The following TET2 variants were observed in gnomAD, a reference collection of about 807,000 sequenced individuals.
The protein encoded by TET2 is methylcytosine dioxygenase TET2.
Under a neutral mutation model 142.9 loss-of-function variants are expected in TET2, and 299 were observed. That is an observed-to-expected ratio of 2.09 (90% confidence interval 1.90 to 2.30). The LOEUF (loss-of-function observed/expected upper bound fraction) is 2.30. Among genes scored for constraint, TET2 ranks in the 30% most tolerant of loss-of-function variants. TET2 has a pLI of 0.00. For missense variants in TET2, 2,418 were observed against 2,378.0 expected (o/e 1.02, Z -0.35); for synonymous variants, 819 against 849.0 (o/e 0.96, Z 0.61).
At chr4:105,200,437 T>A (rs1487518927) in intron 2 of TET2, among the ~76,000 whole-genome samples, 2 of 149,988 alleles carry the variant, frequency 1.3e-5, no homozygotes, top group Non-Finnish European at 2.9e-5. Flanking sequence ...TCCTTATAGA[T>A]GCTGGATACT....
At chr4:105,186,400 A>ATTT (rs140425479) in intron 1 of TET2, among the ~76,000 whole-genome samples, 1 of 149,278 alleles carries the variant, frequency 6.7e-6, no homozygotes, top group African/African-American at 2.5e-5. Flanking sequence ...CTTCTAAGTG[A>ATTT]TTTTTTTATA....
chr4:105,163,563 C>T (rs1012959717), intron 1 of TET2, among the ~76,000 whole-genome samples: 2 of 152,136 alleles, frequency 1.3e-5, no homozygotes, highest in African/African-American at 4.8e-5. Flanking sequence ...ATGCTAAGCA[C>T]TTTCCAAAGA....
At chr4:105,212,179 T>C (rs1002870581) in intron 2 of TET2, among the ~76,000 whole-genome samples, 6 of 152,228 alleles carry the variant, frequency 3.9e-5, no homozygotes, top group African/African-American at 1.2e-4. Context: ...GTTCAAGCCA[T>C]GCAGTTTTTA....
intron 2 of TET2, among the ~76,000 whole-genome samples, chr4:105,227,045 G>A (rs1728233886): frequency 6.6e-6 from 1 of 152,144 alleles, no homozygotes; most frequent in African/African-American, 2.4e-5. Context: ...AGCTCTAACA[G>A]TGCTTAGAAC....
At position 105,235,783 on chromosome 4, in the gene TET2, G is replaced by A. The variant is rs2110230104; in HGVS notation, c.1841G>A (p.Gly614Glu). ...QYTGNSNMPG[G>E]LPRQAYTQKT... is the part of the protein sequence containing the mutation. ...ACTGGAAATTCCAACATGCCTGGGGGGCTCCCAAGGCAAGCTTACACCCAG... is the reference window on the plus strand; with the variant it reads ...ACTGGAAATTCCAACATGCCTGGGGAGCTCCCAAGGCAAGCTTACACCCAG... The change falls in exon 3 of 11, where the codon GGG becomes GAG. Residue 614 changes from glycine to glutamate, a missense_variant. Gly to Glu is a moderately conservative substitution (Grantham distance 98, BLOSUM62 -2). Coordinates refer to ENST00000380013, the MANE Select transcript of TET2 (RefSeq NM_001127208.3). 1.2e-6 allele frequency: 2 copies of A among 1,614,010 alleles called. No homozygotes were observed. The highest frequency in any genetic ancestry group is 2.2e-5 in the East Asian group (1 of 44,858).
Position 105,237,253 on chromosome 4 carries a change from T to A in TET2, c.3311T>A (p.Phe1104Tyr), listed in dbSNP as rs1729006158. ...KRTAASVLNN[F>Y]IESPSKLLDT... Reference sequence around the variant, plus strand: ...ACAGCTGCTTCTGTTCTCAATAATTTTATAGAGTCACCTTCCAAATTACTA... The same window carrying A: ...ACAGCTGCTTCTGTTCTCAATAATTATATAGAGTCACCTTCCAAATTACTA... The change falls in exon 3 of 11, where the codon TTT (phenylalanine) becomes TAT (tyrosine). Residue 1104 changes from phenylalanine to tyrosine, a missense_variant. Physicochemically the swap from Phe to Tyr is conservative, Grantham distance 22. Transcript: ENST00000380013. 6.2e-7 allele frequency: 1 copy of A among 1,614,136 alleles called. No homozygotes were observed. Among genetic ancestry groups the A allele is most frequent in the Non-Finnish European group, 8.5e-7 (1 of 1,180,006 alleles).
chr4:105,204,179 C>T (rs1195835744), intron 2 of TET2, among the ~76,000 whole-genome samples: 2 of 146,132 alleles, frequency 1.4e-5, no homozygotes, highest in South Asian at 2.2e-4. Context: ...GCCTGGGCGA[C>T]GGAGTGAGAC....
At chr4:105,272,045 T>C (rs1461055469) in intron 9 of TET2, among the ~76,000 whole-genome samples, 1 of 152,214 alleles carries the variant, frequency 6.6e-6, no homozygotes, top group South Asian at 2.1e-4. Flanking sequence ...AGTTATCTTA[T>C]GGAAATTTCT....
chr4:105,244,584 ATGTTT>A (rs1402435613), intron 6 of TET2, among the ~76,000 whole-genome samples: 19 of 116,768 alleles, frequency 1.6e-4, no homozygotes, highest in Admixed American at 4.5e-4. Flanking sequence ...CTACACAGAA[ATGTTT>A]TTTTTTTTTT....
chr4:105,240,015 T>G (rs1729205505), intron 3 of TET2: 1 of 240,768 alleles, frequency 4.2e-6, no homozygotes, highest in Non-Finnish European at 8.8e-6. Context: ...CACACAACAT[T>G]TATCAGATTA....
At chr4:105,200,131 A>G (rs535632266) in intron 2 of TET2, among the ~76,000 whole-genome samples, 30 of 152,300 alleles carry the variant, frequency 2.0e-4, no homozygotes, top group Middle Eastern at 6.8e-3. Context: ...TGTCTTCCAC[A>G]ATGGTTGAAC....
Position 105,234,616 on chromosome 4 carries a change from TC to T in TET2, c.676del (p.Leu226TrpfsTer24), listed in dbSNP as rs773924032. 1.2e-6 allele frequency: 2 copies of T among 1,614,072 alleles called. No homozygotes were observed. Among genetic ancestry groups the T allele is most frequent in the Non-Finnish European group, 1.7e-6 (2 of 1,179,990 alleles). ...ASSVEHTHGELLEKTLSQYYP... is the reference protein window; with the variant it reads ...ASSVEHTHGEXLEKTLSQYYP... ...TCCGTGGAACACACACATGGTGAACTCCTGGAAAAAACACTGTCTCAATATT... is the reference window on the plus strand; with the variant it reads ...TCCGTGGAACACACACATGGTGAACTCTGGAAAAAACACTGTCTCAATATT... On this transcript the variant is annotated frameshift_variant, in exon 3 of 11. Transcript: ENST00000380013. LOFTEE classifies it high-confidence loss of function.
chr4:105,222,987 T>G (rs563490514), intron 2 of TET2, among the ~76,000 whole-genome samples: 1,978 of 152,164 alleles, frequency 0.013, 29 homozygotes, highest in African/African-American at 0.043. Flanking sequence ...TTTCCCCATT[T>G]CTTGTTTTTC....
chr4:105,252,798 C>T (rs1003913928), intron 6 of TET2, among the ~76,000 whole-genome samples: 1 of 152,092 alleles, frequency 6.6e-6, no homozygotes, highest in African/African-American at 2.4e-5. Context: ...ACCCATTTTG[C>T]ATTAATTTTG....
intron 3 of TET2, chr4:105,238,951 G>A (rs1285684535): frequency 4.1e-6 from 1 of 241,928 alleles, no homozygotes; most frequent in East Asian, 6.3e-5. Context: ...ATAGGCTGCA[G>A]AATCAATGTT....
At chr4:105,157,617 G>A (rs567115843) in intron 1 of TET2, among the ~76,000 whole-genome samples, 20 of 152,242 alleles carry the variant, frequency 1.3e-4, no homozygotes, top group Middle Eastern at 3.4e-3. Context: ...TATTTCTACT[G>A]AAAAGCAAAC....
At chr4:105,238,589 T>C (rs957679952) in intron 3 of TET2, 8 of 243,950 alleles carry the variant, frequency 3.3e-5, no homozygotes, top group African/African-American at 1.6e-4. Context: ...CAACTTCTTA[T>C]CAAGTTTTTT....
intron 3 of TET2, chr4:105,241,040 C>A (rs1489707828): frequency 1.9e-6 from 2 of 1,056,984 alleles, no homozygotes; most frequent in East Asian, 9.6e-5. Context: ...ACATATAATA[C>A]ATTCTAATTC....
chr4:105,255,604 A>ATTC (rs1193971281), intron 6 of TET2, among the ~76,000 whole-genome samples: 4 of 151,990 alleles, frequency 2.6e-5, no homozygotes, highest in African/African-American at 4.8e-5. Context: ...TATTCCTTTA[A>ATTC]TTCTGCCATT....
Sources: allele counts gnomAD v4.1 joint callset (sites outside exome capture counted in the v4.1 genomes callset), GRCh38; gene constraint gnomAD v4.1.1; transcripts MANE v1.5; gene names NCBI Gene and HGNC (gene_info 2026-07-23, HGNC 2026-07-21).